The following PLEKHA4 variants were observed in gnomAD, a reference collection of about 807,000 sequenced individuals.
The protein encoded by PLEKHA4 is pleckstrin homology domain containing A4.
In PLEKHA4, 73 loss-of-function variants were observed where a neutral mutation model predicts 94.7. That is an observed-to-expected ratio of 0.77 (90% CI 0.64 to 0.94). The LOEUF (loss-of-function observed/expected upper bound fraction) is 0.94. PLEKHA4 is among the 40% of genes least tolerant of loss of function. The pLI is 0.00. For missense variants in PLEKHA4, 1,049 were observed against 1,054.1 expected (o/e 1.00, Z 0.07); for synonymous variants, 449 against 437.1 (o/e 1.03, Z -0.34).
In PLEKHA4 at chr19:48,867,576, G is replaced by A. The variant is rs774098141; in HGVS notation, c.45C>T (p.Ser15=). The A allele has an allele frequency of 1.9e-5, 31 of 1,602,916 alleles. No individual in the cohort carries two copies. Among genetic ancestry groups the A allele is most frequent in the Admixed American group, 5.2e-5 (3 of 58,080 alleles). ...TGCTGAGCGAGGAGATGGTGGAGGC[G>A]CTGCTGGCCAGGCTCAGGCTGCTGC... ...RPRSSLSLAS[S]ASTISSLSSL... Residue 15 remains serine (S), a synonymous_variant, in exon 2 of 20, where the codon AGC becomes AGT. Transcript: ENST00000263265. This position sits in a 1 kb window ranked among gnomAD's most constrained non-coding sequence, Gnocchi z 4.7.
Position 48,838,060 on chromosome 19 carries a change from T to G in PLEKHA4, c.2034A>C (p.Gln678His). 1 of 1,613,762 alleles carries G rather than the reference T, an allele frequency of 6.2e-7. No individual in the cohort carries two copies. Among genetic ancestry groups the G allele is most frequent in the Non-Finnish European group, 8.5e-7 (1 of 1,179,924 alleles). Residue 678 changes from glutamine (Q) to histidine (H), a missense_variant, in exon 19 of 20, where the codon CAA becomes CAC. Physicochemically the swap from Gln to His is conservative, Grantham distance 24. Coordinates refer to ENST00000263265, the MANE Select transcript of PLEKHA4 (RefSeq NM_020904.3). ...ACTGCGACGCCTCAGTAGCCAGGGC[T>G]TGGGAGAGGCTGAGAACCCGCTCCC... is the stretch of plus-strand genomic sequence containing the variant. ...GHRERVLSLS[Q>H]ALATEASQWH...
intron 14 of PLEKHA4, among the ~76,000 whole-genome samples, chr19:48,845,831 T>C (rs543526338): frequency 2.0e-5 from 3 of 150,480 alleles, no homozygotes; most frequent in African/African-American, 7.3e-5. Flanking sequence ...TCCAACGTAG[T>C]GAAAACCCGT....
At position 48,846,105 on chromosome 19, in the gene PLEKHA4, C is replaced by T. The variant is rs1360504983; in HGVS notation, c.1567-489G>A. Among the ~76,000 whole-genome samples the T allele has an allele frequency of 3.3e-5, 5 of 151,790 alleles. No individual in the cohort carries two copies. In the East Asian group the frequency reaches 7.7e-4, roughly 23 times the overall value. On this transcript the variant is annotated intron_variant, in intron 14 of 19. Coordinates refer to ENST00000263265, the MANE Select transcript of PLEKHA4 (RefSeq NM_020904.3). ...TTGAGAGGCCAAGGTAGGAGGCTCACTTGAGGCCAGGAGCTAGACACCAGC... is the reference window on the plus strand; with the variant it reads ...TTGAGAGGCCAAGGTAGGAGGCTCATTTGAGGCCAGGAGCTAGACACCAGC...
intron 14 of PLEKHA4, 127 bp downstream of exon 14, chr19:48,847,773 G>T: frequency 1.8e-6 from 2 of 1,142,054 alleles, no homozygotes; most frequent in Non-Finnish European, 2.4e-6. Flanking sequence ...GCTTCCAGAG[G>T]TTAGGACACT....
In PLEKHA4 at chr19:48,845,398, T is replaced by C; in HGVS notation, c.1715A>G (p.His572Arg). 6.2e-7 allele frequency: 1 copy of C among 1,613,068 alleles called. No homozygotes were observed. Among genetic ancestry groups the C allele is most frequent in the Non-Finnish European group, 8.5e-7 (1 of 1,179,968 alleles). Residue 572 changes from histidine (H) to arginine (R), a missense_variant, in exon 16 of 20, where the codon CAC (histidine) becomes CGC (arginine). By Grantham distance (29) the His-to-Arg change is conservative. Coordinates refer to ENST00000263265, the MANE Select transcript of PLEKHA4 (RefSeq NM_020904.3). ...GGTTCCTAGCTGTGGGGAAGGGAGG[T>C]GGCGACCCTCAGGGCTGGAAGCCCG... ...VSRASSPEGR[H>R]LPSPQLGTKA...
chr19:48,858,710 G>T, intron 8 of PLEKHA4, 150 bp downstream of exon 8: 1 of 863,260 alleles, frequency 1.2e-6, no homozygotes, highest in East Asian at 2.6e-5. Context: ...CACCTGATAG[G>T]TTCAAGCTCT....
At position 48,859,036 on chromosome 19, in the gene PLEKHA4, G is replaced by A. The variant is rs773927022; in HGVS notation, c.796C>T (p.Pro266Ser). 5 of 1,555,712 alleles carry A rather than the reference G, an allele frequency of 3.2e-6. No homozygotes were observed. In the Admixed American group the frequency reaches 1.1e-4, roughly 34 times the overall value. ...PPAPSGDTAP[P>S]ARPHTPLSRI... Reference sequence around the variant, plus strand: ...CTCAACGGGGTGTGAGGTCGGGCAGGGGGTGCTGTGTCTCCTGAGGGGGCA... The same window carrying A: ...CTCAACGGGGTGTGAGGTCGGGCAGAGGGTGCTGTGTCTCCTGAGGGGGCA... The change falls in exon 8 of 20, where the codon CCT (proline) becomes TCT (serine). Residue 266 changes from proline to serine, a missense_variant. Transcript: ENST00000263265.
At position 48,837,697 on chromosome 19, in the gene PLEKHA4, C is replaced by T. The variant is rs1044594910; in HGVS notation, c.2078-146G>A. On this transcript the variant is annotated intron_variant, in intron 19 of 19. Transcript: ENST00000263265. This position sits in a 1 kb window ranked among gnomAD's most constrained non-coding sequence, Gnocchi z 4.3. ...GAGTCCAGGCCCCCAGCCCCTCCTC[C>T]CTCAGACCCAGGAGTCCAGGCCCCC... 63 of 1,018,492 alleles carry T rather than the reference C, an allele frequency of 6.2e-5. No individual in the cohort carries two copies. The highest frequency in any genetic ancestry group is 3.5e-4 in the Admixed American group (14 of 39,514). 63.1% of individuals were successfully genotyped at this position (1,018,492 alleles called of 1,614,324 possible).
intron 16 of PLEKHA4, chr19:48,844,477 T>A: frequency 1.0e-6 from 1 of 985,234 alleles, no homozygotes. Context: ...TTTAAATCTA[T>A]TTGATCAAGT....
intron 13 of PLEKHA4, among the ~76,000 whole-genome samples, chr19:48,849,483 A>G (rs1212000994): frequency 6.6e-6 from 1 of 151,640 alleles, no homozygotes; most frequent in African/African-American, 2.4e-5. Flanking sequence ...AAATTTTTCT[A>G]TTTTTAGTAG....
chr19:48,853,638 T>C (rs1259317051), intron 12 of PLEKHA4, 44 bp downstream of exon 12: 1 of 1,468,944 alleles, frequency 6.8e-7, no homozygotes, highest in Non-Finnish European at 9.0e-7. Flanking sequence ...ACTTGCATAG[T>C]CCTGGGGCCT....
In PLEKHA4 at chr19:48,857,515, T is replaced by C; in HGVS notation, c.973-19A>G. 2.1e-6 allele frequency: 3 copies of C among 1,451,300 alleles called. No homozygotes were observed. Among genetic ancestry groups the C allele is most frequent in the Non-Finnish European group, 2.9e-6 (3 of 1,049,596 alleles). 89.9% of individuals were successfully genotyped at this position (1,451,300 alleles called of 1,614,324 possible). ...AGTGTGCCTGGGAGGAACGTTGAAA[T>C]GGAGATGTTTAGAAACTGGCATGTC... On this transcript the variant is annotated intron_variant, in intron 8 of 19. Coordinates refer to ENST00000263265, the MANE Select transcript of PLEKHA4 (RefSeq NM_020904.3).
At chr19:48,861,037 T>C (rs1215936684) in intron 5 of PLEKHA4, among the ~76,000 whole-genome samples, 1 of 151,788 alleles carries the variant, frequency 6.6e-6, no homozygotes, top group Non-Finnish European at 1.5e-5. Flanking sequence ...CGAAACCCCA[T>C]CTCTACTAAA....
At chr19:48,844,850 T>A (rs980186022) in intron 16 of PLEKHA4, among the ~76,000 whole-genome samples, 4 of 148,004 alleles carry the variant, frequency 2.7e-5, no homozygotes, top group African/African-American at 1.0e-4. Context: ...TTTTTGCTCT[T>A]GTCGCACAAG....
chr19:48,865,385 A>G, intron 3 of PLEKHA4, 118 bp downstream of exon 3: 1 of 656,644 alleles, frequency 1.5e-6, no homozygotes, highest in Non-Finnish European at 2.7e-6. Context: ...TGACGGACTA[A>G]GGGGAGGGGC....
In PLEKHA4 at chr19:48,857,445, T is replaced by G. The variant is rs1041313453; in HGVS notation, c.1024A>C (p.Thr342Pro). ...YLQLPPRPPG[T>P]RASMVLLPGP... ...ACCAATAAAACCATGGAGGCCCGGG[T>G]CCCAGGGGGCCGCGGGGGGAGCTGG... The change falls in exon 9 of 20, where the codon ACC becomes CCC. Residue 342 changes from threonine (T) to proline (P), a missense_variant. Coordinates refer to ENST00000263265, the MANE Select transcript of PLEKHA4 (RefSeq NM_020904.3). 1.3e-6 allele frequency: 2 copies of G among 1,555,994 alleles called. No homozygotes were observed. Among genetic ancestry groups the G allele is most frequent in the Non-Finnish European group, 8.7e-7 (1 of 1,155,162 alleles).
intron 16 of PLEKHA4, 43 bp from the exon 17 acceptor site, chr19:48,841,353 G>A: frequency 6.5e-7 from 1 of 1,547,862 alleles, no homozygotes; most frequent in Non-Finnish European, 8.7e-7. Context: ...CTTTAGGCCA[G>A]GCACAGTGGC....
intron 13 of PLEKHA4, among the ~76,000 whole-genome samples, chr19:48,851,570 C>T (rs557970418): frequency 6.6e-6 from 1 of 150,782 alleles, no homozygotes; most frequent in East Asian, 2.0e-4. Flanking sequence ...GAGCTGAGAT[C>T]GTGCCATTGC....
Position 48,837,542 on chromosome 19 carries a change from A to G in PLEKHA4, c.2087T>C (p.Leu696Ser). ...GGGAAGAGGGTCTCCCTGGGAGTCCAAATTTCCACCTGGAGAGGATGAGTG... is the reference window on the plus strand; with the variant it reads ...GGGAAGAGGGTCTCCCTGGGAGTCCGAATTTCCACCTGGAGAGGATGAGTG... ...QWHRMMTGGN[L>S]DSQGDPLPGV... The change falls in exon 20 of 20, where the codon TTG becomes TCG. Residue 696 changes from leucine to serine, a missense_variant. Leu to Ser is a moderately radical substitution (Grantham distance 145, BLOSUM62 -2). Coordinates refer to ENST00000263265, the MANE Select transcript of PLEKHA4 (RefSeq NM_020904.3). This position sits in a 1 kb window ranked among gnomAD's most constrained non-coding sequence, Gnocchi z 4.3. The G allele has an allele frequency of 6.2e-7, 1 of 1,613,428 alleles. No homozygotes were observed. Among genetic ancestry groups the G allele is most frequent in the Non-Finnish European group, 8.5e-7 (1 of 1,179,766 alleles).
Sources: gnomAD v4.1 joint callset for allele counts (sites outside exome capture counted in the v4.1 genomes callset) on GRCh38, gnomAD v4.1.1 for gene constraint, Gnocchi (gnomAD v3.1) non-coding constraint, MANE v1.5 for transcripts, NCBI Gene and HGNC (gene_info 2026-07-23, HGNC 2026-07-21) for gene names.